ROBO1: variants seen among roughly 807,000 people sequenced by gnomAD.
The protein encoded by ROBO1 is roundabout homolog 1.
A neutral mutation model predicts 195.9 loss-of-function variants in ROBO1; 149 were observed. The ratio of observed to expected loss-of-function variants is 0.76; its 90% CI spans 0.67 to 0.87. The LOEUF (loss-of-function observed/expected upper bound fraction) is 0.87, where lower values mean the gene tolerates loss of function less well. Among genes scored for constraint, ROBO1 ranks in the 40% least tolerant of loss-of-function variants. The pLI, the probability that ROBO1 is intolerant of heterozygous loss-of-function variation, is 0.00. For synonymous variants in ROBO1, 816 were observed against 733.2 expected (o/e 1.11, Z -1.82); for missense variants, 1,933 against 2,068.3 (o/e 0.93, Z 1.27).
chr3:78,985,754 T>C (rs1320925364), intron 3 of ROBO1, among the ~76,000 whole-genome samples: 1 of 152,198 alleles, frequency 6.6e-6, no homozygotes, highest in African/African-American at 2.4e-5. Context: ...TTTAGTTTTG[T>C]TTATTATTAA....
chr3:79,717,337 G>A (rs1047067230), intron 1 of ROBO1, among the ~76,000 whole-genome samples: 1 of 151,808 alleles, frequency 6.6e-6, no homozygotes, highest in Non-Finnish European at 1.5e-5. Context: ...TCTTCCAAAA[G>A]GCACTGAGAG....
At chr3:78,791,750 C>A (rs2084028912) in intron 4 of ROBO1, among the ~76,000 whole-genome samples, 1 of 152,176 alleles carries the variant, frequency 6.6e-6, no homozygotes, top group African/African-American at 2.4e-5. Context: ...AGGAGCCCTA[C>A]CTTTCTTGCA....
chr3:78,631,301 A>T lies in ROBO1; in HGVS notation c.3486T>A (p.Ser1162Arg), dbSNP rs1237355144. 1 of 1,612,252 alleles carries T rather than the reference A, an allele frequency of 6.2e-7. No individual in the cohort carries two copies. Among genetic ancestry groups the T allele is most frequent in the Admixed American group, 1.7e-5 (1 of 59,872 alleles). ...SSDRGSSTSG[S>R]QGHKKGARTP... ...TTCTTGCCCCTTTCTTGTGCCCCTG[A>T]CTCCCTAGAAAGGAAATAAAATAGA... Residue 1162 changes from serine (S) to arginine (R), a missense_variant, in exon 25 of 31, where the codon AGT becomes AGA. Ser to Arg is a moderately radical substitution (Grantham distance 110). This residue lies in a region of ROBO1 where 1,737 missense variants were observed against 1,882.5 expected (regional missense o/e 0.92). Coordinates refer to ENST00000464233, the MANE Select transcript of ROBO1 (RefSeq NM_002941.4).
intron 3 of ROBO1, among the ~76,000 whole-genome samples, chr3:79,112,458 G>T (rs959198956): frequency 6.6e-6 from 1 of 152,138 alleles, no homozygotes; most frequent in Non-Finnish European, 1.5e-5. Context: ...CAAAATGGTC[G>T]TAGCTAACGA....
At chr3:79,368,448 A>C (rs1189898826) in intron 2 of ROBO1, among the ~76,000 whole-genome samples, 1 of 152,092 alleles carries the variant, frequency 6.6e-6, no homozygotes, top group African/African-American at 2.4e-5. Flanking sequence ...CAACCCACAG[A>C]AACAGCAACT....
intron 4 of ROBO1, among the ~76,000 whole-genome samples, chr3:78,759,610 C>A (rs1450893887): frequency 1.3e-5 from 2 of 152,180 alleles, no homozygotes; most frequent in South Asian, 2.1e-4. Flanking sequence ...TTATATTACT[C>A]ATTTTTCTCT....
intron 2 of ROBO1, among the ~76,000 whole-genome samples, chr3:79,335,399 G>C (rs1219184025): frequency 6.6e-6 from 1 of 152,064 alleles, no homozygotes; most frequent in East Asian, 1.9e-4. Flanking sequence ...GTCAAGGGCG[G>C]GACCAGGTGG....
At chr3:78,728,297 G>C (rs2082210409) in intron 5 of ROBO1, among the ~76,000 whole-genome samples, 1 of 152,122 alleles carries the variant, frequency 6.6e-6, no homozygotes, top group African/African-American at 2.4e-5. Flanking sequence ...GTTTCATGCT[G>C]TGCGTTCACA....
intron 3 of ROBO1, among the ~76,000 whole-genome samples, chr3:79,113,907 G>A (rs144943602): frequency 9.3e-4 from 142 of 152,188 alleles, no homozygotes; most frequent in African/African-American, 2.5e-3. Context: ...GTTTGGCTGC[G>A]TCCCCACCTA....
At chr3:78,658,695 C>T (rs1432675609) in intron 17 of ROBO1, among the ~76,000 whole-genome samples, 1 of 152,194 alleles carries the variant, frequency 6.6e-6, no homozygotes, top group African/African-American at 2.4e-5. Flanking sequence ...TAAGCCTAGT[C>T]TCTTCCATCA....
chr3:78,854,445 A>G (rs2034284039), intron 4 of ROBO1, among the ~76,000 whole-genome samples: 1 of 150,810 alleles, frequency 6.6e-6, no homozygotes, highest in Non-Finnish European at 1.5e-5. Context: ...TACTGGTTCT[A>G]TTTGTCTGGA....
chr3:78,696,657 T>C (rs1254162332), intron 8 of ROBO1, among the ~76,000 whole-genome samples: 4 of 145,718 alleles, frequency 2.7e-5, no homozygotes, highest in South Asian at 2.1e-4. Context: ...TATATACACA[T>C]ATATATACAC....
At position 78,617,616 on chromosome 3, in the gene ROBO1, GAA is replaced by G; in HGVS notation, c.4282+17_4282+18del. Reference sequence around the variant, plus strand: ...ATTGAGTTTTCTTTCCCAGCTTGGTGAAAAGTGTTAGGACTCACCAGCAGCAT... The same window carrying G: ...ATTGAGTTTTCTTTCCCAGCTTGGTGAAGTGTTAGGACTCACCAGCAGCAT... On this transcript the variant is annotated intron_variant, in intron 27 of 30. Coordinates refer to ENST00000464233, the MANE Select transcript of ROBO1 (RefSeq NM_002941.4). 4 of 1,575,192 alleles carry G rather than the reference GAA, an allele frequency of 2.5e-6. No individual in the cohort carries two copies. The highest frequency in any genetic ancestry group is 3.4e-6 in the Non-Finnish European group (4 of 1,160,586).
chr3:78,718,553 A>C (rs769126523), intron 5 of ROBO1, among the ~76,000 whole-genome samples: 4 of 152,142 alleles, frequency 2.6e-5, no homozygotes, highest in South Asian at 2.1e-4. Flanking sequence ...TAATTGAATA[A>C]AAATTAATTT....
intron 1 of ROBO1, among the ~76,000 whole-genome samples, chr3:79,740,126 G>A (rs999017214): frequency 6.7e-6 from 1 of 149,216 alleles, no homozygotes. Flanking sequence ...TGCACTTCAA[G>A]AGATCCTACT....
intron 1 of ROBO1, among the ~76,000 whole-genome samples, chr3:79,666,796 C>T (rs377626734): frequency 6.6e-6 from 1 of 151,778 alleles, no homozygotes; most frequent in Admixed American, 6.6e-5. Flanking sequence ...AATACACTCA[C>T]CATCTATGAT....
At chr3:78,823,266 T>A (rs1033144452) in intron 4 of ROBO1, among the ~76,000 whole-genome samples, 2 of 151,906 alleles carry the variant, frequency 1.3e-5, no homozygotes, top group African/African-American at 4.8e-5. Flanking sequence ...GTTTCTGCGA[T>A]GCCTTTGTGC....
At chr3:79,398,760 G>C (rs1311803854) in intron 2 of ROBO1, among the ~76,000 whole-genome samples, 2 of 151,958 alleles carry the variant, frequency 1.3e-5, no homozygotes, top group Non-Finnish European at 2.9e-5. Context: ...TGACCCTGCA[G>C]GTTTCCAAAA....
intron 2 of ROBO1, among the ~76,000 whole-genome samples, chr3:79,422,646 T>C (rs2038275309): frequency 1.3e-5 from 2 of 152,138 alleles, no homozygotes; most frequent in South Asian, 2.1e-4. Flanking sequence ...AATGGTCTTA[T>C]GAGAAATGAG....
Sources: allele counts gnomAD v4.1 joint callset (sites outside exome capture counted in the v4.1 genomes callset), GRCh38; gene constraint gnomAD v4.1.1; regional missense constraint gnomAD v4.1.1; transcripts MANE v1.5; gene names NCBI Gene and HGNC (gene_info 2026-07-23, HGNC 2026-07-21).